PHKG1: variants seen among roughly 807,000 people sequenced by gnomAD.
PHKG1 encodes phosphorylase kinase catalytic subunit gamma 1, also known as phosphorylase b kinase gamma catalytic chain, skeletal muscle/heart isoform.
In PHKG1, 48 loss-of-function variants were observed where a neutral mutation model predicts 50.5. That is an observed-to-expected ratio of 0.95 (90% CI 0.75 to 1.21). PHKG1 has a LOEUF of 1.21. PHKG1 is among the 50% of genes most tolerant of loss of function. The pLI is 0.00. For missense variants in PHKG1, 487 were observed against 519.5 expected, an observed-to-expected ratio of 0.94 and a Z score of 0.61; for synonymous variants, 204 against 212.8, an observed-to-expected ratio of 0.96 and a Z score of 0.36.
At position 56,081,562 on chromosome 7, in the gene PHKG1, T is replaced by C; in HGVS notation, c.918+68A>G. On this transcript the variant is annotated intron_variant, in intron 9 of 9. Coordinates refer to ENST00000297373, the MANE Select transcript of PHKG1 (RefSeq NM_006213.5). This position sits in a 1 kb window ranked among gnomAD's most constrained non-coding sequence, Gnocchi z 4.6. ...GAAATTCACGGGGTGTAAGGACTCCTGGGAGAGGAGGGGGCTTAGAGGTTT... is the reference window on the plus strand; with the variant it reads ...GAAATTCACGGGGTGTAAGGACTCCCGGGAGAGGAGGGGGCTTAGAGGTTT... The C allele has an allele frequency of 6.3e-7, 1 of 1,576,276 alleles. No individual in the cohort carries two copies.
rs762424523 is a variant in PHKG1 at position 56,083,227 on chromosome 7, GTTGA to G, written c.547+47_547+50del. 3.2e-6 allele frequency: 5 copies of G among 1,563,876 alleles called. No individual in the cohort carries two copies. The South Asian group carries it at 3.4e-5, about 11-fold the overall frequency. On this transcript the variant is annotated intron_variant, in intron 6 of 9. Coordinates refer to ENST00000297373, the MANE Select transcript of PHKG1 (RefSeq NM_006213.5). ...CCAGACCATCTCTATTCTGCAGATG[GTTGA>G]TTGAGCACCCGAGGCCTGGACGTGG...
At chr7:56,086,000 A>T (rs2117573594) in intron 4 of PHKG1, among the ~76,000 whole-genome samples, 1 of 150,672 alleles carries the variant, frequency 6.6e-6, no homozygotes, top group East Asian at 2.0e-4. Context: ...AGTAAATCAG[A>T]TCATGTCACC....
intron 1 of PHKG1, among the ~76,000 whole-genome samples, chr7:56,091,736 C>T (rs900637318): frequency 2.6e-5 from 4 of 152,172 alleles, no homozygotes; most frequent in African/African-American, 9.7e-5. Flanking sequence ...TGGCTGCCTC[C>T]GGGATTGGGC....
intron 4 of PHKG1, among the ~76,000 whole-genome samples, chr7:56,086,602 C>T (rs1562880024): frequency 1.3e-5 from 2 of 152,154 alleles, no homozygotes; most frequent in Admixed American, 6.6e-5. Flanking sequence ...GATTCTCCTG[C>T]CTCAGCCTCC....
rs1055085931 is a variant in PHKG1, at chr7:56,081,395, C to T, written c.919-96G>A. On this transcript the variant is annotated intron_variant, in intron 9 of 9. Transcript: ENST00000297373. The surrounding 1 kb of genome is among the most constrained non-coding windows in gnomAD (Gnocchi z 4.6). ...CGCTCTGGGCTCGTTTGCCACGAAG[C>T]CTTGGGTGGCTTCTGCGGGGCCTTC... The T allele has an allele frequency of 2.4e-5, 35 of 1,451,992 alleles. No individual in the cohort carries two copies. The highest frequency in any genetic ancestry group is 5.6e-5 in the African/African-American group (4 of 70,908). The allele number at this position is 1,451,992 out of a possible 1,614,324, so 89.9% of individuals were successfully genotyped here. A position where few individuals can be genotyped will look rare whatever the true frequency, so the allele number is the denominator to read the frequency against.
rs1239327407 is a variant in PHKG1 at position 56,080,951 on chromosome 7, T to C, written c.*103A>G. ...CCAGGGGTTCCTGGCCAGGGCCAAG[T>C]GCTCCTTCTGCAGAGGCCTGCACGC... is the stretch of plus-strand genomic sequence containing the variant. On this transcript the variant is annotated 3_prime_UTR_variant, in exon 10 of 10. Transcript: ENST00000297373. 3 of 1,372,060 alleles carry C rather than the reference T, an allele frequency of 2.2e-6. No homozygotes were observed. Among genetic ancestry groups the C allele is most frequent in the African/African-American group, 1.4e-5 (1 of 69,980 alleles). The allele number at this position is 1,372,060 out of a possible 1,614,324, so 85.0% of individuals were successfully genotyped here.
Position 56,081,228 on chromosome 7 carries a change from C to G in PHKG1, c.990G>C (p.Arg330=), listed in dbSNP as rs1381925012. The change falls in exon 10 of 10, where the codon CGG becomes CGC. Residue 330 remains arginine, a synonymous_variant. Transcript: ENST00000297373. The surrounding 1 kb of genome is among the most constrained non-coding windows in gnomAD (Gnocchi z 4.6). Reference sequence around the variant, plus strand: ...CATAGGGGTCTCGGATGACGATCTCCCGGGTCACAGGCTTCACCCGGCGGT... The same window carrying G: ...CATAGGGGTCTCGGATGACGATCTCGCGGGTCACAGGCTTCACCCGGCGGT... ...YQYRRVKPVT[R]EIVIRDPYAL... The G allele has an allele frequency of 1.9e-6, 3 of 1,613,702 alleles. No individual in the cohort carries two copies. The highest frequency in any genetic ancestry group is 2.5e-6 in the Non-Finnish European group (3 of 1,179,954).
intron 7 of PHKG1, 33 bp downstream of exon 7, chr7:56,082,130 A>T (rs1584619562): frequency 1.2e-6 from 2 of 1,611,060 alleles, no homozygotes; most frequent in East Asian, 4.5e-5. Flanking sequence ...TGCCCAGCCT[A>T]GCTGGGTGCT....
intron 1 of PHKG1, among the ~76,000 whole-genome samples, chr7:56,089,348 C>T (rs543397759): frequency 4.6e-5 from 7 of 150,666 alleles, no homozygotes; most frequent in Non-Finnish European, 1.0e-4. Flanking sequence ...TGCAGTGAGC[C>T]GAGATCGCAT....
chr7:56,081,885 CCT>C lies in PHKG1; in HGVS notation c.792+6_792+7del. 6.2e-7 allele frequency: 1 copy of C among 1,613,084 alleles called. No individual in the cohort carries two copies. Among genetic ancestry groups the C allele is most frequent in the Non-Finnish European group, 8.5e-7 (1 of 1,179,790 alleles). ...TGAGCCCAGGAGCCAGTTGGCCTGG[CCT>C]CTCACCAGGTCCTTCACGGTGTCCG... On this transcript the variant is annotated splice_donor_region_variant and intron_variant, in intron 8 of 9. Coordinates refer to ENST00000297373, the MANE Select transcript of PHKG1 (RefSeq NM_006213.5). The surrounding 1 kb of genome is among the most constrained non-coding windows in gnomAD (Gnocchi z 4.6).
chr7:56,090,674 C>A (rs1459416875), intron 1 of PHKG1, among the ~76,000 whole-genome samples: 1 of 152,116 alleles, frequency 6.6e-6, no homozygotes, highest in African/African-American at 2.4e-5. Flanking sequence ...GTGCAGGTGT[C>A]CGGCAGGGGC....
intron 3 of PHKG1, 79 bp downstream of exon 3, chr7:56,087,519 G>C: frequency 2.1e-6 from 3 of 1,419,040 alleles, no homozygotes; most frequent in Non-Finnish European, 2.9e-6. Context: ...TGTGCGGTGG[G>C]GCCACACTCC....
In PHKG1 at chr7:56,081,034, C is replaced by T. The variant is rs1307617719; in HGVS notation, c.*20G>A. ...TCCCCTCCCCACCTGCCCCCTAGCCCTCCCTGACTGGCCAGCCCCTCAGTA... is the reference window on the plus strand; with the variant it reads ...TCCCCTCCCCACCTGCCCCCTAGCCTTCCCTGACTGGCCAGCCCCTCAGTA... On this transcript the variant is annotated 3_prime_UTR_variant, in exon 10 of 10. Transcript: ENST00000297373. The surrounding 1 kb of genome is among the most constrained non-coding windows in gnomAD (Gnocchi z 4.6). 1 of 1,611,192 alleles carries T rather than the reference C, an allele frequency of 6.2e-7. No individual in the cohort carries two copies.
rs759404219 is a variant in PHKG1, at chr7:56,081,127, T to A, written c.1091A>T (p.Gln364Leu). Reference sequence around the variant, plus strand: ...CTCGAAAAGGGCTGCCCGGTTCTGCTGCTGCCCCTTCTTCACCCAGTGGCC... The same window carrying A: ...CTCGAAAAGGGCTGCCCGGTTCTGCAGCTGCCCCTTCTTCACCCAGTGGCC... ...IYGHWVKKGQ[Q>L]QNRAALFENT... The change falls in exon 10 of 10, where the codon CAG (glutamine) becomes CTG (leucine). Residue 364 changes from glutamine (Q) to leucine (L), a missense_variant. Transcript: ENST00000297373. The surrounding 1 kb of genome is among the most constrained non-coding windows in gnomAD (Gnocchi z 4.6). 1.9e-6 allele frequency: 3 copies of A among 1,613,684 alleles called. No homozygotes were observed. The highest frequency in any genetic ancestry group is 1.7e-6 in the Non-Finnish European group (2 of 1,179,904).
At chr7:56,085,974 CAAAA>C (rs34275240) in intron 4 of PHKG1, among the ~76,000 whole-genome samples, 2 of 133,254 alleles carry the variant, frequency 1.5e-5, no homozygotes, top group Non-Finnish European at 1.6e-5. Context: ...AACTCTGTCT[CAAAA>C]AAAAAAAAAA....
At chr7:56,089,751 T>A (rs1003351883) in intron 1 of PHKG1, among the ~76,000 whole-genome samples, 3 of 152,164 alleles carry the variant, frequency 2.0e-5, no homozygotes. Flanking sequence ...CTCGAACTCC[T>A]GACCTCAGGT....
chr7:56,087,331 C>G (rs1050144715), intron 3 of PHKG1, among the ~76,000 whole-genome samples: 1 of 151,822 alleles, frequency 6.6e-6, no homozygotes, highest in African/African-American at 2.4e-5. Flanking sequence ...GAGTGATGCT[C>G]CTGCTTCAGC....
Position 56,082,010 on chromosome 7 carries a change from GGCCAGCA to G in PHKG1, c.668_674del (p.Leu223ProfsTer13). 1 of 1,613,896 alleles carries G rather than the reference GGCCAGCA, an allele frequency of 6.2e-7. No homozygotes were observed. Among genetic ancestry groups the G allele is most frequent in the Admixed American group, 1.7e-5 (1 of 60,020 alleles). The stretch of plus-strand genomic sequence containing the variant: ...TCCGGTGCCAGAAGGGCGGGGAGCC[GGCCAGCA>G]GCGTGTACATGATGACGCCAGTGCT... On this transcript the variant is annotated frameshift_variant, in exon 8 of 10. Coordinates refer to ENST00000297373, the MANE Select transcript of PHKG1 (RefSeq NM_006213.5). LOFTEE classifies it high-confidence loss of function.
chr7:56,083,302 G>C lies in PHKG1; in HGVS notation c.523C>G (p.Leu175Val), dbSNP rs1182632625. 8.1e-6 allele frequency: 13 copies of C among 1,613,858 alleles called. No individual in the cohort carries two copies. Among genetic ancestry groups the C allele is most frequent in the East Asian group, 2.2e-5 (1 of 44,882 alleles). Residue 175 changes from leucine (L) to valine (V), a missense_variant, in exon 6 of 10, where the codon CTG becomes GTG. By Grantham distance (32) the Leu-to-Val change is conservative. Transcript: ENST00000297373. ...CCTCGCAGCCTCTCTCCCGGCTCCA[G>C]CTGGCAGGAAAAGCCAAAGTCTGTG... ...KLTDFGFSCQ[L>V]EPGERLREVC...
Sources: gnomAD v4.1 joint callset for allele counts (sites outside exome capture counted in the v4.1 genomes callset) on GRCh38, gnomAD v4.1.1 for gene constraint, Gnocchi (gnomAD v3.1) non-coding constraint, MANE v1.5 for transcripts, NCBI Gene and HGNC (gene_info 2026-07-23, HGNC 2026-07-21) for gene names.